MED21: variants seen among roughly 807,000 people sequenced by gnomAD.
The protein encoded by MED21 is mediator complex subunit 21.
A neutral mutation model predicts 18.2 loss-of-function variants in MED21; 9 were observed. The ratio of observed to expected loss-of-function variants is 0.49; its 90% CI spans 0.30 to 0.86. The LOEUF is 0.86. MED21 is among the 40% of genes least tolerant of loss of function. The probability of loss-of-function intolerance (pLI) is 0.07; values close to 1 mark genes in which losing one functional copy is unlikely to be tolerated. For synonymous variants in MED21, 73 were observed against 60.5 expected (o/e 1.21, Z -0.96); for missense variants, 150 against 170.9 (o/e 0.88, Z 0.68).
At chr12:27,024,261 T>C (rs1343242401) in intron 1 of MED21, among the ~76,000 whole-genome samples, 1 of 151,874 alleles carries the variant, frequency 6.6e-6, no homozygotes, top group Non-Finnish European at 1.5e-5. Flanking sequence ...AACATGCTGA[T>C]AGGAAAACCT....
At chr12:27,023,855 T>TA (rs138834151) in intron 1 of MED21, among the ~76,000 whole-genome samples, 3,022 of 152,290 alleles carry the variant, frequency 0.02, 100 homozygotes, top group African/African-American at 0.068. Context: ...GATAAAACAG[T>TA]AATACATAAA....
At position 27,029,324 on chromosome 12, in the gene MED21, C is replaced by G; in HGVS notation, c.*863C>G. ...CATCAGTTACTTGGCATCATTTCAC[C>G]TCAGTTTATTATTGCCAAATAATAA... is the stretch of plus-strand genomic sequence containing the variant. On this transcript the variant is annotated 3_prime_UTR_variant, in exon 4 of 4. Coordinates refer to ENST00000282892, the MANE Select transcript of MED21 (RefSeq NM_004264.5). 2.0e-6 allele frequency: 2 copies of G among 985,370 alleles called. No homozygotes were observed. Among genetic ancestry groups the G allele is most frequent in the Non-Finnish European group, 2.4e-6 (2 of 829,906 alleles). The allele number at this position is 985,370 out of a possible 1,614,324, so 61.0% of individuals were successfully genotyped here.
At chr12:27,035,007 C>T (rs1389840644), downstream of MED21, among the ~76,000 whole-genome samples, 5 of 152,178 alleles carry the variant, frequency 3.3e-5, no homozygotes, top group South Asian at 4.1e-4. Context: ...TGCCCCTGGC[C>T]TCCCTAAGTG....
intron 1 of MED21, among the ~76,000 whole-genome samples, chr12:27,026,091 T>G (rs1941541212): frequency 6.6e-6 from 1 of 152,208 alleles, no homozygotes; most frequent in African/African-American, 2.4e-5. Flanking sequence ...AGTCTTTACT[T>G]GTGGCTTACA....
intron 1 of MED21, among the ~76,000 whole-genome samples, chr12:27,025,287 G>A (rs925241149): frequency 6.6e-6 from 1 of 152,186 alleles, no homozygotes; most frequent in Admixed American, 6.5e-5. Flanking sequence ...CAAAACCTGG[G>A]CAAAGCCATT....
rs561163135 is a variant in MED21 at position 27,027,342 on chromosome 12, T to C, written c.158-5T>C. 2.5e-6 allele frequency: 4 copies of C among 1,604,638 alleles called. No individual in the cohort carries two copies. Among genetic ancestry groups the C allele is most frequent in the Admixed American group, 1.7e-5 (1 of 58,710 alleles). On this transcript the variant is annotated splice_polypyrimidine_tract_variant and splice_region_variant and intron_variant, in intron 2 of 3. Coordinates refer to ENST00000282892, the MANE Select transcript of MED21 (RefSeq NM_004264.5). Reference sequence around the variant, plus strand: ...ATATCCTAATCTAGCAGTATCTTTCTCTAGAGTATGCCCAGCTTTTTGCAG... The same window carrying C: ...ATATCCTAATCTAGCAGTATCTTTCCCTAGAGTATGCCCAGCTTTTTGCAG...
intron 1 of MED21, among the ~76,000 whole-genome samples, chr12:27,023,857 A>G (rs541837764): frequency 1.3e-5 from 2 of 152,298 alleles, no homozygotes; most frequent in South Asian, 2.1e-4. Context: ...TAAAACAGTA[A>G]TACATAAACC....
At chr12:27,035,401 C>T (rs149937031), downstream of MED21, among the ~76,000 whole-genome samples, 28 of 127,458 alleles carry the variant, frequency 2.2e-4, no homozygotes, top group African/African-American at 6.2e-4. Context: ...ATAACTAAAT[C>T]TCTTTTTTTT....
In MED21 at chr12:27,028,998, T is replaced by A. The variant is rs973295028; in HGVS notation, c.*537T>A. ...TAAGAAAGTCACATTTATGCAAATGTTTCTTCTGCTAGAACCTCATACCTG... is the reference window on the plus strand; with the variant it reads ...TAAGAAAGTCACATTTATGCAAATGATTCTTCTGCTAGAACCTCATACCTG... On this transcript the variant is annotated 3_prime_UTR_variant, in exon 4 of 4. Transcript: ENST00000282892. The A allele has an allele frequency of 5.1e-6, 5 of 985,506 alleles. No individual in the cohort carries two copies. The highest frequency in any genetic ancestry group is 6.0e-6 in the Non-Finnish European group (5 of 829,958). 61.0% of individuals were successfully genotyped at this position (985,506 alleles called of 1,614,324 possible).
chr12:27,031,337 G>A (rs1202824825), downstream of MED21, among the ~76,000 whole-genome samples: 1 of 152,090 alleles, frequency 6.6e-6, no homozygotes, highest in Non-Finnish European at 1.5e-5. Context: ...AGTGTCCTCT[G>A]GATCCTTCCA....
rs576137713 is a variant in MED21 at position 27,023,037 on chromosome 12, C to G, written c.42+416C>G. On this transcript the variant is annotated intron_variant, in intron 1 of 3. Transcript: ENST00000282892. ...AATTTTAATCCACCAAGGGAGATCT[C>G]ATGCTCTGGATGACTGGGTTTTTGT... is the stretch of plus-strand genomic sequence containing the variant. Among the ~76,000 whole-genome samples the G allele has an allele frequency of 1.1e-4, 16 of 152,254 alleles. No individual in the cohort carries two copies. The East Asian group carries it at 2.9e-3, about 28-fold the overall frequency.
At chr12:27,025,918 C>G (rs1316244413) in intron 1 of MED21, among the ~76,000 whole-genome samples, 7 of 152,190 alleles carry the variant, frequency 4.6e-5, no homozygotes, top group Admixed American at 2.0e-4. Context: ...ACTTAAGGTG[C>G]TTTTCTGAGC....
At chr12:27,025,626 T>G (rs1241112039) in intron 1 of MED21, among the ~76,000 whole-genome samples, 1 of 152,152 alleles carries the variant, frequency 6.6e-6, no homozygotes, top group Non-Finnish European at 1.5e-5. Flanking sequence ...GTTAGATTGG[T>G]TGACTAGGAG....
intron 2 of MED21, chr12:27,037,728 G>C (rs1050126398): frequency 1.3e-5 from 2 of 151,936 alleles, no homozygotes; most frequent in Non-Finnish European, 2.9e-5. Context: ...TTACAAATTG[G>C]AATATTCAAA....
intron 2 of MED21, among the ~76,000 whole-genome samples, chr12:27,026,952 G>A (rs1941553201): frequency 6.6e-6 from 1 of 151,250 alleles, no homozygotes; most frequent in African/African-American, 2.4e-5. Flanking sequence ...TTTTTGAGAC[G>A]GAGTCTCGCT....
intron 1 of MED21, 178 bp downstream of exon 1, chr12:27,022,799 G>C (rs570197191): frequency 2.0e-6 from 3 of 1,517,880 alleles, no homozygotes; most frequent in East Asian, 5.0e-5. Flanking sequence ...GCCGGCTGCC[G>C]GGCGGTGCTT....
chr12:27,027,999 T>C (rs1022934403), intron 3 of MED21, among the ~76,000 whole-genome samples: 2 of 152,204 alleles, frequency 1.3e-5, no homozygotes, highest in African/African-American at 4.8e-5. Context: ...CTTTTCCTAG[T>C]GAAGAATGAG....
At chr12:27,025,295 A>G (rs936293852) in intron 1 of MED21, among the ~76,000 whole-genome samples, 8 of 152,248 alleles carry the variant, frequency 5.3e-5, no homozygotes, top group African/African-American at 1.9e-4. Flanking sequence ...GGGCAAAGCC[A>G]TTTAGTCATA....
chr12:27,026,638 A>G (rs1941548667), intron 2 of MED21, 104 bp downstream of exon 2: 1 of 813,766 alleles, frequency 1.2e-6, no homozygotes, highest in East Asian at 2.7e-5. Context: ...TTCTAAAATT[A>G]TTGTTGTTTG....
Sources: gnomAD v4.1 joint callset for allele counts (sites outside exome capture counted in the v4.1 genomes callset) on GRCh38, gnomAD v4.1.1 for gene constraint, MANE v1.5 for transcripts, NCBI Gene and HGNC (gene_info 2026-07-23, HGNC 2026-07-21) for gene names.